KCNMA1: variants seen among roughly 807,000 people sequenced by gnomAD.
KCNMA1 encodes Calcium-activated potassium channel subunit alpha-1.
Under a neutral mutation model 140.0 loss-of-function variants are expected in KCNMA1, and 29 were observed. The observed-to-expected ratio is 0.21, with a 90% confidence interval of 0.15 to 0.28. The LOEUF (loss-of-function observed/expected upper bound fraction) is 0.28, where lower values mean the gene tolerates loss of function less well. Among genes scored for constraint, KCNMA1 ranks in the 10% least tolerant of loss-of-function variants. KCNMA1 has a pLI of 1.00. For synonymous variants in KCNMA1, 612 were observed against 611.9 expected, an observed-to-expected ratio of 1.00 and a Z score of 0.00; for missense variants, 880 against 1,602.2, an observed-to-expected ratio of 0.55 and a Z score of 7.70.
At chr10:77,130,902 A>C (rs2097845807) in intron 5 of KCNMA1, among the ~76,000 whole-genome samples, 1 of 152,202 alleles carries the variant, frequency 6.6e-6, no homozygotes, top group South Asian at 2.1e-4. Context: ...CTATCTCCAC[A>C]ATGATAAACA....
At chr10:77,569,780 A>G (rs2070163654) in intron 1 of KCNMA1, among the ~76,000 whole-genome samples, 2 of 152,242 alleles carry the variant, frequency 1.3e-5, no homozygotes, top group African/African-American at 4.8e-5. Flanking sequence ...AAAAGAAATT[A>G]CCATCAGAGT....
Position 77,274,805 on chromosome 10 carries a change from C to T in KCNMA1, c.541-23549G>A, listed in dbSNP as rs1353417647. 3.3e-5 allele frequency among the ~76,000 whole-genome samples: 5 copies of T among 152,316 alleles called. No homozygotes were observed. The East Asian group carries it at 5.8e-4, about 18-fold the overall frequency. ...TCAGAGGAAATGGAGTAAGTTTGGT[C>T]GGTTAGCCAACTGCCATGGGTTTTC... On this transcript the variant is annotated intron_variant, in intron 2 of 27. Coordinates refer to ENST00000286628, the MANE Select transcript of KCNMA1 (RefSeq NM_001161352.2).
At chr10:77,582,518 G>C (rs1307365787) in intron 1 of KCNMA1, among the ~76,000 whole-genome samples, 1 of 152,168 alleles carries the variant, frequency 6.6e-6, no homozygotes, top group Non-Finnish European at 1.5e-5. Flanking sequence ...ACCATGGCAC[G>C]TGTATACCTA....
chr10:77,297,827 C>T (rs2075580334), intron 2 of KCNMA1, among the ~76,000 whole-genome samples: 1 of 152,176 alleles, frequency 6.6e-6, no homozygotes, highest in Non-Finnish European at 1.5e-5. Flanking sequence ...GGGAAGATGT[C>T]TTTAATTTCC....
intron 2 of KCNMA1, among the ~76,000 whole-genome samples, chr10:77,322,602 G>T (rs2082683534): frequency 6.6e-6 from 1 of 152,166 alleles, no homozygotes; most frequent in Non-Finnish European, 1.5e-5. Context: ...TGACATTTTG[G>T]TAAGAGCCCT....
intron 14 of KCNMA1, among the ~76,000 whole-genome samples, chr10:77,069,280 C>T (rs757594751): frequency 1.3e-5 from 2 of 152,130 alleles, no homozygotes; most frequent in African/African-American, 2.4e-5. Context: ...GCAGATAAGT[C>T]ACAGGCACCA....
chr10:77,083,557 C>T (rs567571340), intron 12 of KCNMA1, among the ~76,000 whole-genome samples: 43 of 149,124 alleles, frequency 2.9e-4, no homozygotes, highest in African/African-American at 6.4e-4. Flanking sequence ...AGGGCCACAG[C>T]GGCACACTCC....
intron 23 of KCNMA1, among the ~76,000 whole-genome samples, chr10:76,917,944 T>C (rs1317259227): frequency 6.6e-6 from 1 of 152,134 alleles, no homozygotes; most frequent in African/African-American, 2.4e-5. Context: ...GCACCTTCCA[T>C]AAAGGAATGA....
chr10:77,137,191 A>C (rs1335108880), intron 5 of KCNMA1, among the ~76,000 whole-genome samples: 1 of 151,952 alleles, frequency 6.6e-6, no homozygotes, highest in Non-Finnish European at 1.5e-5. Flanking sequence ...CATACATGTG[A>C]GGTCTCGGGA....
chr10:77,377,738 T>A (rs561732565), intron 2 of KCNMA1, among the ~76,000 whole-genome samples: 2 of 152,258 alleles, frequency 1.3e-5, no homozygotes, highest in South Asian at 2.1e-4. Context: ...TTGCTGGAGA[T>A]CCTGGGAAGT....
chr10:77,073,291 A>G, intron 13 of KCNMA1, 39 bp from the exon 14 acceptor site: 1 of 1,605,486 alleles, frequency 6.2e-7, no homozygotes, highest in Non-Finnish European at 8.5e-7. Context: ...TTGCTCTGTT[A>G]AATGTTCAAT....
chr10:77,334,269 G>A (rs2087877654), intron 2 of KCNMA1, among the ~76,000 whole-genome samples: 1 of 152,036 alleles, frequency 6.6e-6, no homozygotes, highest in South Asian at 2.1e-4. Context: ...CATTTTGTGG[G>A]GGAGTTCATT....
chr10:77,408,485 CGT>C lies in KCNMA1; in HGVS notation c.379-4464_379-4463del, dbSNP rs552252554. On this transcript the variant is annotated intron_variant, in intron 1 of 27. Coordinates refer to ENST00000286628, the MANE Select transcript of KCNMA1 (RefSeq NM_001161352.2). Reference sequence around the variant, plus strand: ...GTTTGTGTGCACGTGTGAGTGTGTACGTGTGTGTGCATGTCTGAGAATGTGTG... The same window carrying C: ...GTTTGTGTGCACGTGTGAGTGTGTACGTGTGTGCATGTCTGAGAATGTGTG... Among the ~76,000 whole-genome samples the C allele has an allele frequency of 9.9e-5, 15 of 151,424 alleles. No homozygotes were observed. In the South Asian group the frequency reaches 1.0e-3, roughly 11 times the overall value.
chr10:76,971,505 G>C (rs911495133), intron 19 of KCNMA1, among the ~76,000 whole-genome samples: 1 of 152,140 alleles, frequency 6.6e-6, no homozygotes, highest in Non-Finnish European at 1.5e-5. Flanking sequence ...CTATTCTGCT[G>C]TCAGTTTGGG....
At chr10:77,563,534 G>A (rs893894766) in intron 1 of KCNMA1, among the ~76,000 whole-genome samples, 18 of 151,706 alleles carry the variant, frequency 1.2e-4, no homozygotes, top group African/African-American at 4.4e-4. Context: ...CTTCTACCCC[G>A]TCCCTCCCAG....
intron 2 of KCNMA1, among the ~76,000 whole-genome samples, chr10:77,286,899 T>C (rs920987056): frequency 3.9e-5 from 6 of 152,074 alleles, no homozygotes; most frequent in African/African-American, 1.4e-4. Context: ...GACCCAAATA[T>C]CATGCAAGTC....
chr10:77,637,269 G>T lies in KCNMA1; in HGVS notation c.374C>A (p.Thr125Lys). 3.7e-6 allele frequency: 6 copies of T among 1,606,526 alleles called. No individual in the cohort carries two copies. Among genetic ancestry groups the T allele is most frequent in the Non-Finnish European group, 5.1e-6 (6 of 1,175,208 alleles). ...GGCGCCCGGGGCGCGCGTTACCTTC[G>T]TCTTGCCCCCGCAGTGGCAGCACAC... is the stretch of plus-strand genomic sequence containing the variant. ...WTVCCHCGGK[T>K]KEAQKINNGS... Residue 125 changes from threonine (T) to lysine (K), a missense_variant, in exon 1 of 28, where the codon ACG becomes AAG. Thr to Lys is a moderately conservative substitution (Grantham distance 78, BLOSUM62 -1). Transcript: ENST00000286628.
chr10:77,584,256 G>C (rs952063688), intron 1 of KCNMA1, among the ~76,000 whole-genome samples: 1 of 152,170 alleles, frequency 6.6e-6, no homozygotes, highest in Admixed American at 6.5e-5. Context: ...TCCTCCCCTA[G>C]CAACAAGCAC....
At chr10:77,200,522 C>T (rs1565173358) in intron 3 of KCNMA1, among the ~76,000 whole-genome samples, 1 of 152,054 alleles carries the variant, frequency 6.6e-6, no homozygotes, top group African/African-American at 2.4e-5. Flanking sequence ...GGGATTAGGT[C>T]CACAGTATCA....
Sources: gnomAD v4.1 joint callset for allele counts (sites outside exome capture counted in the v4.1 genomes callset) on GRCh38, gnomAD v4.1.1 for gene constraint, MANE v1.5 for transcripts, NCBI Gene and HGNC (gene_info 2026-07-23, HGNC 2026-07-21) for gene names.